Variants in EYS observed in about 807,000 individuals in gnomAD.
EYS encodes the protein protein eyes shut homolog.
In EYS, 250 loss-of-function variants were observed where a neutral mutation model predicts 282.1. That is an observed-to-expected ratio of 0.89 (90% CI 0.80 to 0.98). The LOEUF is 0.98. EYS is among the 50% of genes least tolerant of loss of function. EYS has a pLI of 0.00. For missense variants in EYS, 4,016 were observed against 3,709.0 expected (o/e 1.08, Z -2.15); for synonymous variants, 1,355 against 1,282.9 (o/e 1.06, Z -1.20).
intron 13 of EYS, among the ~76,000 whole-genome samples, chr6:65,053,474 T>C (rs958938772): frequency 2.6e-5 from 4 of 151,854 alleles, no homozygotes; most frequent in African/African-American, 7.2e-5. Context: ...CATCTACTTC[T>C]TATATAAAAA....
In EYS at chr6:64,626,235, C is replaced by G; in HGVS notation, c.3454G>C (p.Gly1152Arg). 2 of 1,527,714 alleles carry G rather than the reference C, an allele frequency of 1.3e-6. No homozygotes were observed. Among genetic ancestry groups the G allele is most frequent in the Non-Finnish European group, 1.8e-6 (2 of 1,139,676 alleles). The allele number at this position is 1,527,714 out of a possible 1,614,324, so 94.6% of individuals were successfully genotyped here. The change falls in exon 23 of 43, where the codon GGA becomes CGA. Residue 1152 changes from glycine (G) to arginine (R), a missense_variant. Coordinates refer to ENST00000503581, the MANE Select transcript of EYS (RefSeq NM_001142800.2). ...GHTFDCRCLP[G>R]FSGQFCEINI... ...ATTTCACAAAATTGACCAGAAAATCCAGGAAGACATCTAAGGAAAAAAAAT... is the reference window on the plus strand; with the variant it reads ...ATTTCACAAAATTGACCAGAAAATCGAGGAAGACATCTAAGGAAAAAAAAT...
intron 29 of EYS, among the ~76,000 whole-genome samples, chr6:64,369,596 T>C (rs1772286968): frequency 1.3e-5 from 2 of 152,088 alleles, no homozygotes; most frequent in Admixed American, 1.3e-4. Context: ...GAGCAATGAT[T>C]TGTAATTCTC....
In EYS at chr6:64,821,681, T is replaced by C; in HGVS notation, c.3207A>G (p.Ala1069=). ...TCTTACATTGTGTGCTAGTCCCATC[T>C]GCATCACATGAACATGGATATTCAT... The part of the protein sequence containing the change: ...LINEYPCSCD[A]DGTSTQCKIK... Residue 1069 remains alanine (A), a synonymous_variant, in exon 21 of 43, where the codon GCA becomes GCG. Coordinates refer to ENST00000503581, the MANE Select transcript of EYS (RefSeq NM_001142800.2). 1 of 1,526,800 alleles carries C rather than the reference T, an allele frequency of 6.5e-7. No homozygotes were observed. The highest frequency in any genetic ancestry group is 8.9e-7 in the Non-Finnish European group (1 of 1,128,886). The allele number at this position is 1,526,800 out of a possible 1,614,324, so 94.6% of individuals were successfully genotyped here.
At chr6:64,328,060 T>A (rs923925835) in intron 29 of EYS, among the ~76,000 whole-genome samples, 1 of 152,202 alleles carries the variant, frequency 6.6e-6, no homozygotes, top group African/African-American at 2.4e-5. Context: ...AGGGGGAGAA[T>A]GGCTCTTAAT....
intron 2 of EYS, among the ~76,000 whole-genome samples, chr6:65,619,617 T>G (rs999390465): frequency 2.4e-4 from 37 of 151,996 alleles, no homozygotes; most frequent in African/African-American, 6.8e-4. Context: ...AGAGAGGGCA[T>G]CCCTGTCTTG....
At chr6:64,783,593 A>G (rs183421059) in intron 22 of EYS, among the ~76,000 whole-genome samples, 18 of 152,302 alleles carry the variant, frequency 1.2e-4, no homozygotes, top group African/African-American at 3.8e-4. Flanking sequence ...ATACATAAAT[A>G]CAAATTGTAA....
chr6:64,433,391 C>T (rs1448837936), intron 28 of EYS, among the ~76,000 whole-genome samples: 2 of 151,878 alleles, frequency 1.3e-5, no homozygotes, highest in African/African-American at 2.4e-5. Flanking sequence ...ACTCATAATT[C>T]GTGTTTTTGA....
intron 26 of EYS, among the ~76,000 whole-genome samples, chr6:64,515,594 G>T (rs1025302069): frequency 1.3e-5 from 2 of 151,224 alleles, no homozygotes; most frequent in East Asian, 3.9e-4. Flanking sequence ...TTAATATATT[G>T]ATCAATTTTT....
At chr6:64,913,395 C>T (rs1398190984) in intron 15 of EYS, among the ~76,000 whole-genome samples, 1 of 151,966 alleles carries the variant, frequency 6.6e-6, no homozygotes, top group African/African-American at 2.4e-5. Context: ...ATTTTCAACC[C>T]CTACCTTTCT....
intron 12 of EYS, among the ~76,000 whole-genome samples, chr6:65,214,658 C>CA (rs1024897668): frequency 1.2e-4 from 18 of 152,186 alleles, no homozygotes; most frequent in East Asian, 9.7e-4. Flanking sequence ...TCAACGTAGA[C>CA]AAAAAAGCCT....
chr6:65,242,446 G>A (rs573641246), intron 12 of EYS, among the ~76,000 whole-genome samples: 8 of 152,114 alleles, frequency 5.3e-5, no homozygotes, highest in South Asian at 4.2e-4. Flanking sequence ...AGTGGCATGC[G>A]TCAGTATGTC....
At chr6:64,316,070 AAAT>A (rs1170006731) in intron 29 of EYS, among the ~76,000 whole-genome samples, 2 of 152,194 alleles carry the variant, frequency 1.3e-5, no homozygotes, top group Non-Finnish European at 2.9e-5. Flanking sequence ...AAGTATCTCA[AAAT>A]AATAAGAGCA....
At chr6:64,917,585 T>C (rs1367142249) in intron 15 of EYS, among the ~76,000 whole-genome samples, 1 of 152,118 alleles carries the variant, frequency 6.6e-6, no homozygotes, top group Non-Finnish European at 1.5e-5. Flanking sequence ...GGTCACAGGA[T>C]ACAGTTAGAT....
intron 41 of EYS, among the ~76,000 whole-genome samples, chr6:63,747,901 C>T (rs919035574): frequency 1.3e-5 from 2 of 151,928 alleles, no homozygotes; most frequent in African/African-American, 4.8e-5. Context: ...ACTCTTTATC[C>T]AATTTGCCAG....
intron 28 of EYS, among the ~76,000 whole-genome samples, chr6:64,424,805 C>T (rs1774350181): frequency 6.6e-6 from 1 of 152,090 alleles, no homozygotes; most frequent in Non-Finnish European, 1.5e-5. Context: ...AGCTTACAGT[C>T]TGGTTAGGAA....
At position 65,690,385 on chromosome 6, in the gene EYS, G is replaced by A. The variant is rs551724506; in HGVS notation, c.-448+16750C>T. The stretch of plus-strand genomic sequence containing the variant: ...GTTTATAGCCCTATCTTATCCATAT[G>A]GACAGGTGCCCCTCATGCGTCCGTT... On this transcript the variant is annotated intron_variant, in intron 1 of 42. Coordinates refer to ENST00000503581, the MANE Select transcript of EYS (RefSeq NM_001142800.2). Among the ~76,000 whole-genome samples the A allele has an allele frequency of 7.3e-5, 11 of 149,842 alleles. 1 individual carries two copies. The highest frequency in any genetic ancestry group is 8.9e-5 in the Non-Finnish European group (6 of 67,552).
At chr6:64,952,742 A>G (rs1005080720) in intron 14 of EYS, among the ~76,000 whole-genome samples, 9 of 152,048 alleles carry the variant, frequency 5.9e-5, no homozygotes, top group African/African-American at 2.2e-4. Flanking sequence ...AAAGCATGTT[A>G]GTTACTTATG....
chr6:64,501,144 G>A (rs1486413044), intron 26 of EYS, among the ~76,000 whole-genome samples: 1 of 148,800 alleles, frequency 6.7e-6, no homozygotes, highest in African/African-American at 2.5e-5. Flanking sequence ...GAAAAACCCA[G>A]TCATTGATAT....
chr6:64,049,839 G>A (rs1195402887), intron 33 of EYS, among the ~76,000 whole-genome samples: 1 of 152,238 alleles, frequency 6.6e-6, no homozygotes, highest in East Asian at 1.9e-4. Flanking sequence ...TAGAAATGAG[G>A]TTATAAAATA....
Sources: gnomAD v4.1 joint callset for allele counts (sites outside exome capture counted in the v4.1 genomes callset) on GRCh38, gnomAD v4.1.1 for gene constraint, MANE v1.5 for transcripts, NCBI Gene and HGNC (gene_info 2026-07-23, HGNC 2026-07-21) for gene names.